Variants in CCNO observed in about 807,000 individuals in gnomAD.
CCNO encodes cyclin O, also known as cyclin-O.
A neutral mutation model predicts 23.9 loss-of-function variants in CCNO; 24 were observed. The observed-to-expected ratio is 1.00, with a 90% CI of 0.73 to 1.41. The LOEUF is 1.41. CCNO is among the 40% of genes most tolerant of loss of function. CCNO has a pLI of 0.00. For synonymous variants in CCNO, 241 were observed against 225.7 expected, an observed-to-expected ratio of 1.07 and a Z score of -0.61; for missense variants, 542 against 476.2, an observed-to-expected ratio of 1.14 and a Z score of -1.29.
Position 55,233,171 on chromosome 5 carries a change from G to T in CCNO, c.353C>A (p.Pro118Gln). The stretch of plus-strand genomic sequence containing the variant: ...TGGCTGCCGTGCCAGCGCCTCCCGC[G>T]GGTGGAAGTGGCTCTCCTGCGCCTT... ...FRKAQESHFH[P>Q]REALARQPQV... Residue 118 changes from proline (P) to glutamine (Q), a missense_variant, in exon 1 of 3, where the codon CCG (proline) becomes CAG (glutamine). Coordinates refer to ENST00000282572, the MANE Select transcript of CCNO (RefSeq NM_021147.5). 1.3e-6 allele frequency: 2 copies of T among 1,547,254 alleles called. No individual in the cohort carries two copies. The highest frequency in any genetic ancestry group is 1.7e-6 in the Non-Finnish European group (2 of 1,147,464).
In CCNO at chr5:55,233,375, G is replaced by C. The variant is rs1350538678; in HGVS notation, c.149C>G (p.Pro50Arg). 6.2e-7 allele frequency: 1 copy of C among 1,610,506 alleles called. No homozygotes were observed. Among genetic ancestry groups the C allele is most frequent in the Non-Finnish European group, 8.5e-7 (1 of 1,179,146 alleles). Residue 50 changes from proline (P) to arginine (R), a missense_variant, in exon 1 of 3, where the codon CCG (proline) becomes CGG (arginine). Transcript: ENST00000282572. The stretch of plus-strand genomic sequence containing the variant: ...GCAAATGCCGGAGTCTCCCGGGAGC[G>C]GGCACGGGTTCAGGGGATGCAGCGG... ...KQPLHPLNPC[P>R]LPGDSGICDL...
chr5:55,232,353 C>T lies in CCNO; in HGVS notation c.567+8G>A. On this transcript the variant is annotated splice_region_variant and intron_variant, in intron 2 of 2. Coordinates refer to ENST00000282572, the MANE Select transcript of CCNO (RefSeq NM_021147.5). ...ATGCCGCGTGTACCTGTTTGATACC[C>T]CAGGTACCTGTTTGCAAGCGATGAG... The T allele has an allele frequency of 1.9e-6, 3 of 1,611,980 alleles. No homozygotes were observed. Among genetic ancestry groups the T allele is most frequent in the Non-Finnish European group, 2.5e-6 (3 of 1,178,726 alleles).
At position 55,231,655 on chromosome 5, in the gene CCNO, G is replaced by A. The variant is rs368825448; in HGVS notation, c.773C>T (p.Ala258Val). 1 of 1,573,524 alleles carries A rather than the reference G, an allele frequency of 6.4e-7. No homozygotes were observed. The highest frequency in any genetic ancestry group is 1.9e-5 in the Admixed American group (1 of 53,248). Residue 258 changes from alanine (A) to valine (V), a missense_variant, in exon 3 of 3, where the codon GCG (alanine) becomes GTG (valine). Ala to Val is a moderately conservative substitution (Grantham distance 64, BLOSUM62 0). Coordinates refer to ENST00000282572, the MANE Select transcript of CCNO (RefSeq NM_021147.5). ...GQAEASEALE[A>V]QALARGVAEL... Reference sequence around the variant, plus strand: ...TGCCACCCCCCGCGCCAGGGCTTGCGCTTCCAGAGCTTCGGAGGCCTCAGC... The same window carrying A: ...TGCCACCCCCCGCGCCAGGGCTTGCACTTCCAGAGCTTCGGAGGCCTCAGC...
chr5:55,232,298 A>C, intron 2 of CCNO, 63 bp downstream of exon 2: 1 of 1,444,694 alleles, frequency 6.9e-7, no homozygotes. Context: ...GCGGCCAGGG[A>C]GTGGCGGGGG....
Position 55,231,649 on chromosome 5 carries a change from G to T in CCNO, c.779C>A (p.Ala260Asp). Residue 260 changes from alanine to aspartate, a missense_variant, in exon 3 of 3, where the codon GCC becomes GAC. Physicochemically the swap from Ala to Asp is moderately radical, Grantham distance 126 (BLOSUM62 -2). Transcript: ENST00000282572. ...AEASEALEAQ[A>D]LARGVAELSL... ...CAGCTCTGCCACCCCCCGCGCCAGG[G>T]CTTGCGCTTCCAGAGCTTCGGAGGC... The T allele has an allele frequency of 6.3e-7, 1 of 1,587,178 alleles. No individual in the cohort carries two copies. The highest frequency in any genetic ancestry group is 1.7e-4 in the Middle Eastern group (1 of 5,982).
Position 55,231,486 on chromosome 5 carries a change from CT to C in CCNO, c.941del (p.Glu314GlyfsTer13). 2 of 1,614,056 alleles carry C rather than the reference CT, an allele frequency of 1.2e-6. No individual in the cohort carries two copies. Among genetic ancestry groups the C allele is most frequent in the Non-Finnish European group, 1.7e-6 (2 of 1,180,034 alleles). ...GCAGCTGCAACTTGCCCATACAGTCCTCCAGCGCCGCCTCCGGGTGGTCTCC... is the reference window on the plus strand; with the variant it reads ...GCAGCTGCAACTTGCCCATACAGTCCCCAGCGCCGCCTCCGGGTGGTCTCC... ...RLGDHPEAALEDCMGKLQLLV... is the reference protein window; with the variant it reads ...RLGDHPEAALXDCMGKLQLLV... On this transcript the variant is annotated frameshift_variant, in exon 3 of 3. Transcript: ENST00000282572. LOFTEE classifies it high-confidence loss of function.
In CCNO at chr5:55,232,553, G is replaced by T. The variant is rs553049896; in HGVS notation, c.382-7C>A. On this transcript the variant is annotated splice_polypyrimidine_tract_variant and splice_region_variant and intron_variant, in intron 1 of 2. Transcript: ENST00000282572. ...AGCGGGATTCCGCCGTCACCTGCCG[G>T]GAAGGAGGGGGGAGGCGGGCCCGCT... 4 of 1,613,240 alleles carry T rather than the reference G, an allele frequency of 2.5e-6. No homozygotes were observed. The East Asian group carries it at 8.9e-5, about 36-fold the overall frequency.
chr5:55,231,303 C>T lies in CCNO; in HGVS notation c.*72G>A, dbSNP rs2111712315. On this transcript the variant is annotated 3_prime_UTR_variant, in exon 3 of 3. Transcript: ENST00000282572. ...CTGAAGCCTTCTCTGTGGACCAGTA[C>T]TGCACTCTTCTGAGGCTACGGGAGA... 2 of 1,568,890 alleles carry T rather than the reference C, an allele frequency of 1.3e-6. No homozygotes were observed. Among genetic ancestry groups the T allele is most frequent in the Admixed American group, 3.4e-5 (2 of 58,748 alleles).
chr5:55,231,427 A>G lies in CCNO; in HGVS notation c.1001T>C (p.Met334Thr). ...VAINSTSLTHMLPVQICEKCS... is the reference protein window; with the variant it reads ...VAINSTSLTHTLPVQICEKCS... ...CTTCTCGCAGATCTGAACGGGCAGC[A>G]TGTGAGTCAAGGAAGTACTGTTTAT... The change falls in exon 3 of 3, where the codon ATG becomes ACG. Residue 334 changes from methionine to threonine, a missense_variant. Physicochemically the swap from Met to Thr is moderately conservative, Grantham distance 81 (BLOSUM62 -1). Coordinates refer to ENST00000282572, the MANE Select transcript of CCNO (RefSeq NM_021147.5). 1 of 1,614,202 alleles carries G rather than the reference A, an allele frequency of 6.2e-7. No homozygotes were observed. Among genetic ancestry groups the G allele is most frequent in the Non-Finnish European group, 8.5e-7 (1 of 1,180,032 alleles).
chr5:55,231,953 G>A, intron 2 of CCNO, 93 bp from the exon 3 acceptor site: 1 of 1,391,416 alleles, frequency 7.2e-7, no homozygotes. Flanking sequence ...ATCCCTTCCA[G>A]AGAGACAGCC....
At chr5:55,231,954 A>T in intron 2 of CCNO, 94 bp from the exon 3 acceptor site, 1 of 1,390,036 alleles carries the variant, frequency 7.2e-7, no homozygotes, top group Non-Finnish European at 9.5e-7. Flanking sequence ...TCCCTTCCAG[A>T]GAGACAGCCG....
chr5:55,233,458 GTCGTTGTCCCGCCTCCCCGC>G lies in CCNO; in HGVS notation c.46_65del (p.Ala16ProfsTer59). 1 of 1,602,714 alleles carries G rather than the reference GTCGTTGTCCCGCCTCCCCGC, an allele frequency of 6.2e-7. No individual in the cohort carries two copies. ...TCTTCACCGGGGCGCGAAGGTTCTG[GTCGTTGTCCCGCCTCCCCGC>G]TCGGGCGGCGGGGCTCGAGGGGCTG... On this transcript the variant is annotated frameshift_variant, in exon 1 of 3. Coordinates refer to ENST00000282572, the MANE Select transcript of CCNO (RefSeq NM_021147.5). LOFTEE classifies it high-confidence loss of function.
Position 55,233,167 on chromosome 5 carries a change from C to G in CCNO, c.357G>C (p.Arg119=). 1 of 1,546,220 alleles carries G rather than the reference C, an allele frequency of 6.5e-7. No individual in the cohort carries two copies. Among genetic ancestry groups the G allele is most frequent in the East Asian group, 2.4e-5 (1 of 41,120 alleles). ...RKAQESHFHP[R]EALARQPQVT... is the part of the protein sequence containing the mutation. ...CTTGTGGCTGCCGTGCCAGCGCCTC[C>G]CGCGGGTGGAAGTGGCTCTCCTGCG... The change falls in exon 1 of 3, where the codon CGG becomes CGC. Residue 119 remains arginine (R), a synonymous_variant. Transcript: ENST00000282572.
rs371349055 is a variant in CCNO at position 55,232,442 on chromosome 5, G to C, written c.486C>G (p.Asp162Glu). 7 of 1,614,062 alleles carry C rather than the reference G, an allele frequency of 4.3e-6. No individual in the cohort carries two copies. Among genetic ancestry groups the C allele is most frequent in the Non-Finnish European group, 5.1e-6 (6 of 1,180,034 alleles). The change falls in exon 2 of 3, where the codon GAC becomes GAG. Residue 162 changes from aspartate to glutamate, a missense_variant. Physicochemically the swap from Asp to Glu is conservative, Grantham distance 45 (BLOSUM62 2). Coordinates refer to ENST00000282572, the MANE Select transcript of CCNO (RefSeq NM_021147.5). The part of the protein sequence containing the change: ...ESLCLTVNTL[D>E]RFLTTTPVAA... ...CCACCGGCGTGGTGGTGAGGAAGCG[G>C]TCCAGAGTGTTCACCGTCAGGCACA... is the stretch of plus-strand genomic sequence containing the variant.
At position 55,233,061 on chromosome 5, in the gene CCNO, G is replaced by GC. The variant is rs376973189; in HGVS notation, c.381+81_381+82insG. 501 of 1,442,976 alleles carry GC rather than the reference G, an allele frequency of 3.5e-4. 5 individuals are homozygous for GC. The African/African-American group carries it at 5.4e-3, about 15-fold the overall frequency. The allele number at this position is 1,442,976 out of a possible 1,614,324, so 89.4% of individuals were successfully genotyped here. On this transcript the variant is annotated intron_variant, in intron 1 of 2. Coordinates refer to ENST00000282572, the MANE Select transcript of CCNO (RefSeq NM_021147.5). ...GGGCTGTCGCGGGCCCGGGCGCTCG[G>GC]AGGGCCGAGCCGGCAGGAGAGGAGA... is the stretch of plus-strand genomic sequence containing the variant.
chr5:55,232,589 T>A lies in CCNO; in HGVS notation c.382-43A>T, dbSNP rs201505004. On this transcript the variant is annotated intron_variant, in intron 1 of 2. Coordinates refer to ENST00000282572, the MANE Select transcript of CCNO (RefSeq NM_021147.5). ...GGAGGCGGGCCCGCTGGGCTTAGGG[T>A]GGAGAGGGACTGTGGAAGGGAAGGA... The A allele has an allele frequency of 7.6e-4, 1,210 of 1,591,398 alleles. 9 individuals carry two copies. In the African/African-American group the frequency reaches 0.014, roughly 19 times the overall value.
In CCNO at chr5:55,231,640, C is replaced by G. The variant is rs746811253; in HGVS notation, c.788G>C (p.Arg263Pro). ...SEALEAQALARGVAELSLADY... is the reference protein window; with the variant it reads ...SEALEAQALAPGVAELSLADY... Reference sequence around the variant, plus strand: ...GGCCAGACTCAGCTCTGCCACCCCCCGCGCCAGGGCTTGCGCTTCCAGAGC... The same window carrying G: ...GGCCAGACTCAGCTCTGCCACCCCCGGCGCCAGGGCTTGCGCTTCCAGAGC... Residue 263 changes from arginine to proline, a missense_variant, in exon 3 of 3, where the codon CGG (arginine) becomes CCG (proline). Coordinates refer to ENST00000282572, the MANE Select transcript of CCNO (RefSeq NM_021147.5). 2.5e-6 allele frequency: 4 copies of G among 1,596,076 alleles called. No individual in the cohort carries two copies. The East Asian group carries it at 6.8e-5, about 27-fold the overall frequency.
In CCNO at chr5:55,233,498, G is replaced by A. The variant is rs776702978; in HGVS notation, c.26C>T (p.Pro9Leu). The change falls in exon 1 of 3, where the codon CCC becomes CTC. Residue 9 changes from proline (P) to leucine (L), a missense_variant. Transcript: ENST00000282572. Reference sequence around the variant, plus strand: ...CCCCGCTCGGGCGGCGGGGCTCGAGGGGCTGGTGGGACAGGGGGTCACCAT... The same window carrying A: ...CCCCGCTCGGGCGGCGGGGCTCGAGAGGCTGGTGGGACAGGGGGTCACCAT... Reference protein sequence around the residue: MVTPCPTSPSSPAARAGRR... With the variant: MVTPCPTSLSSPAARAGRR... 3.3e-5 allele frequency: 53 copies of A among 1,594,890 alleles called. No homozygotes were observed. The South Asian group carries it at 5.2e-4, about 16-fold the overall frequency.
In CCNO at chr5:55,231,232, G is replaced by T; in HGVS notation, c.*143C>A. ...CTGCAAAATAAATAAAATACCAGATGCTAGTATCGTACACTATTTACAACC... is the reference window on the plus strand; with the variant it reads ...CTGCAAAATAAATAAAATACCAGATTCTAGTATCGTACACTATTTACAACC... On this transcript the variant is annotated 3_prime_UTR_variant, in exon 3 of 3. Transcript: ENST00000282572. 1.2e-6 allele frequency: 1 copy of T among 829,590 alleles called. No individual in the cohort carries two copies. The allele number at this position is 829,590 out of a possible 1,614,324, so 51.4% of individuals were successfully genotyped here.
Sources: allele counts gnomAD v4.1 joint callset, GRCh38; gene constraint gnomAD v4.1.1; transcripts MANE v1.5; gene names NCBI Gene and HGNC (gene_info 2026-07-23, HGNC 2026-07-21).